RHPN2: variants seen among roughly 807,000 people sequenced by gnomAD.
RHPN2 encodes the protein rhophilin-2.
In RHPN2, 40 loss-of-function variants were observed where a neutral mutation model predicts 79.0. The observed-to-expected ratio is 0.51, with a 90% CI of 0.39 to 0.66. The LOEUF (loss-of-function observed/expected upper bound fraction) is 0.66. Ranked by LOEUF, RHPN2 falls within the 30% of genes least tolerant of loss-of-function variation. The probability of loss-of-function intolerance (pLI) is 0.00; values close to 1 mark genes in which losing one functional copy is unlikely to be tolerated. For missense variants in RHPN2, 686 were observed against 883.5 expected (o/e 0.78, Z 2.83); for synonymous variants, 285 against 363.5 (o/e 0.78, Z 2.46).
chr19:33,007,756 T>G (rs1243175897), intron 7 of RHPN2, among the ~76,000 whole-genome samples: 1 of 151,476 alleles, frequency 6.6e-6, no homozygotes, highest in Non-Finnish European at 1.5e-5. Flanking sequence ...CAAGTTTTTT[T>G]TTTTTTTTTT....
Position 33,035,415 on chromosome 19 carries a change from T to A in RHPN2, c.186-8783A>T, listed in dbSNP as rs572296174. On this transcript the variant is annotated intron_variant, in intron 2 of 14. Transcript: ENST00000254260. ...CCACACCTGGCCTAAAAATTTTTTT[T>A]AAATACATTTCCAACAAATCAATGA... Among the ~76,000 whole-genome samples, 9 of 152,338 alleles carry A rather than the reference T, an allele frequency of 5.9e-5. 1 individual carries two copies. The highest frequency in any genetic ancestry group is 1.7e-4 in the African/African-American group (7 of 41,598).
chr19:33,013,565 CT>C (rs1338042615), intron 4 of RHPN2, among the ~76,000 whole-genome samples: 1 of 152,036 alleles, frequency 6.6e-6, no homozygotes, highest in Non-Finnish European at 1.5e-5. Flanking sequence ...TTAAAAATGT[CT>C]TTGTGTCTGC....
chr19:33,048,742 A>AAAAAAAAAAAC (rs1972163755), intron 1 of RHPN2, among the ~76,000 whole-genome samples: 1 of 151,132 alleles, frequency 6.6e-6, no homozygotes, highest in South Asian at 2.1e-4. Context: ...AAAAAAAAAA[A>AAAAAAAAAAAC]AAACTTTAAT....
chr19:33,059,039 G>A (rs7258850), intron 1 of RHPN2, among the ~76,000 whole-genome samples: 62,441 of 151,638 alleles, frequency 0.41, 16,280 homozygotes, highest in African/African-American at 0.73. Context: ...AGGTTGCGGG[G>A]AGCTGAGATT....
intron 6 of RHPN2, among the ~76,000 whole-genome samples, chr19:33,008,857 G>A (rs980745468): frequency 3.9e-5 from 6 of 152,126 alleles, no homozygotes; most frequent in African/African-American, 1.4e-4. Flanking sequence ...GACCGCCACA[G>A]CCACACACAA....
intron 2 of RHPN2, 130 bp downstream of exon 2, chr19:33,044,119 C>G (rs1049680089): frequency 3.2e-5 from 19 of 598,344 alleles, no homozygotes; most frequent in Non-Finnish European, 5.8e-5. Flanking sequence ...AAGCTATAGG[C>G]AAGAAAGGGA....
chr19:33,011,957 A>G (rs1971838816), intron 5 of RHPN2, among the ~76,000 whole-genome samples, 154 bp from the exon 6 acceptor site: 1 of 152,052 alleles, frequency 6.6e-6, no homozygotes, highest in Non-Finnish European at 1.5e-5. Context: ...GGAGGGGTGG[A>G]AAGAACCTGG....
At chr19:33,047,311 T>A (rs950959794) in intron 1 of RHPN2, among the ~76,000 whole-genome samples, 2 of 152,254 alleles carry the variant, frequency 1.3e-5, no homozygotes, top group African/African-American at 4.8e-5. Context: ...TTTTTCCATA[T>A]AATCTTGACA....
rs139737520 is a variant in RHPN2 at position 33,048,464 on chromosome 19, G to A, written c.70-4100C>T. Among the ~76,000 whole-genome samples, 92 of 151,104 alleles carry A rather than the reference G, an allele frequency of 6.1e-4. 2 individuals carry two copies. The East Asian group carries it at 0.012, about 20-fold the overall frequency. On this transcript the variant is annotated intron_variant, in intron 1 of 14. Coordinates refer to ENST00000254260, the MANE Select transcript of RHPN2 (RefSeq NM_033103.5). ...TCTTTGGCCGGGCATAGTAGTTCAC[G>A]CCTGTAATCCCAGCACTTTGGGAGG... is the stretch of plus-strand genomic sequence containing the variant.
intron 2 of RHPN2, among the ~76,000 whole-genome samples, chr19:33,034,783 CAA>C (rs58456679): frequency 0.04 from 2,012 of 50,894 alleles, 40 homozygotes; most frequent in African/African-American, 0.13. Context: ...GACTCCATCT[CAA>C]AAAAAAAAAA....
At chr19:33,057,371 G>GA (rs938485348) in intron 1 of RHPN2, among the ~76,000 whole-genome samples, 2 of 151,744 alleles carry the variant, frequency 1.3e-5, no homozygotes, top group African/African-American at 4.8e-5. Flanking sequence ...GAAAAGAAAA[G>GA]AAAAAAGTGA....
intron 1 of RHPN2, among the ~76,000 whole-genome samples, chr19:33,050,981 C>T (rs1477285745): frequency 1.3e-5 from 2 of 152,144 alleles, no homozygotes; most frequent in Non-Finnish European, 2.9e-5. Context: ...AATAAGTTTA[C>T]CTAGAGTGAA....
intron 4 of RHPN2, among the ~76,000 whole-genome samples, chr19:33,013,421 C>A: frequency 6.6e-6 from 1 of 152,068 alleles, no homozygotes. Context: ...TCTCAAACTC[C>A]TGGGCTCAAG....
Position 32,993,962 on chromosome 19 carries a change from G to A in RHPN2, c.1497+15C>T, listed in dbSNP as rs1485486631. On this transcript the variant is annotated intron_variant, in intron 12 of 14. Transcript: ENST00000254260. The stretch of plus-strand genomic sequence containing the variant: ...TCCCCTTAGGTCATTTGAATGTAGA[G>A]AGCATTCAACATACCAGCTTCTGGA... 1 of 1,580,512 alleles carries A rather than the reference G, an allele frequency of 6.3e-7. No individual in the cohort carries two copies. Among genetic ancestry groups the A allele is most frequent in the African/African-American group, 1.3e-5 (1 of 74,272 alleles).
intron 2 of RHPN2, among the ~76,000 whole-genome samples, chr19:33,039,413 G>A (rs137876366): frequency 0.011 from 1,647 of 152,168 alleles, 33 homozygotes; most frequent in African/African-American, 0.038. Context: ...GCCACCTCAC[G>A]TCACTCCTGA....
At chr19:33,008,310 G>C in intron 6 of RHPN2, 130 bp from the exon 7 acceptor site, 1 of 896,230 alleles carries the variant, frequency 1.1e-6, no homozygotes, top group Non-Finnish European at 1.7e-6. Flanking sequence ...GGAGTGCAGT[G>C]GTGTGATCAT....
intron 1 of RHPN2, among the ~76,000 whole-genome samples, chr19:33,051,328 C>T (rs1374886872): frequency 6.6e-6 from 1 of 152,146 alleles, no homozygotes; most frequent in Non-Finnish European, 1.5e-5. Context: ...CTTACATGCC[C>T]TTAATGTACA....
At chr19:32,997,608 G>A (rs1599810887) in intron 10 of RHPN2, among the ~76,000 whole-genome samples, 1 of 151,948 alleles carries the variant, frequency 6.6e-6, no homozygotes, top group East Asian at 1.9e-4. Flanking sequence ...TCCCACCTCA[G>A]CCTCCCAAGT....
intron 14 of RHPN2, among the ~76,000 whole-genome samples, chr19:32,988,008 C>G (rs1222279554): frequency 6.6e-6 from 1 of 151,942 alleles, no homozygotes; most frequent in Non-Finnish European, 1.5e-5. Flanking sequence ...TATAAAGGCC[C>G]CATCTCTACC....
Sources: allele counts gnomAD v4.1 joint callset (sites outside exome capture counted in the v4.1 genomes callset), GRCh38; gene constraint gnomAD v4.1.1; transcripts MANE v1.5; gene names NCBI Gene and HGNC (gene_info 2026-07-23, HGNC 2026-07-21).